Variants in DTD1 observed in about 807,000 individuals in gnomAD.
DTD1 encodes D-aminoacyl-tRNA deacylase 1, also known as D-tyrosyl-tRNA deacylase 1 homolog.
A neutral mutation model predicts 25.6 loss-of-function variants in DTD1; 13 were observed. The ratio of observed to expected loss-of-function variants is 0.51; its 90% CI spans 0.33 to 0.81. The LOEUF (loss-of-function observed/expected upper bound fraction) is 0.81. Among genes scored for constraint, DTD1 ranks in the 30% least tolerant of loss-of-function variants. DTD1 has a pLI of 0.02. For missense variants in DTD1, 193 were observed against 266.4 expected, an observed-to-expected ratio of 0.72 and a Z score of 1.92; for synonymous variants, 110 against 103.6, an observed-to-expected ratio of 1.06 and a Z score of -0.37.
chr20:18,626,182 A>C (rs1210777134), intron 3 of DTD1, among the ~76,000 whole-genome samples: 1 of 152,128 alleles, frequency 6.6e-6, no homozygotes, highest in Non-Finnish European at 1.5e-5. Flanking sequence ...GTACTAACCT[A>C]TGTGCACCTT....
intron 4 of DTD1, among the ~76,000 whole-genome samples, chr20:18,722,842 C>T (rs778573491): frequency 5.3e-5 from 8 of 152,126 alleles, no homozygotes; most frequent in Non-Finnish European, 1.2e-4. Flanking sequence ...AGATTTGGAG[C>T]ATGCCCCAAA....
intron 3 of DTD1, among the ~76,000 whole-genome samples, chr20:18,598,105 G>A (rs193248885): frequency 2.6e-5 from 4 of 152,124 alleles, no homozygotes; most frequent in East Asian, 1.9e-4. Context: ...CCATCCACCC[G>A]TCACCTACAT....
chr20:18,737,988 C>A (rs1187463002), intron 4 of DTD1, among the ~76,000 whole-genome samples: 1 of 152,230 alleles, frequency 6.6e-6, no homozygotes, highest in Admixed American at 6.5e-5. Context: ...CCAGGTTCCT[C>A]TGCTTTACCC....
chr20:18,618,121 T>C (rs1422027592), intron 3 of DTD1, among the ~76,000 whole-genome samples: 2 of 152,222 alleles, frequency 1.3e-5, no homozygotes, highest in African/African-American at 4.8e-5. Context: ...GGATAGACGG[T>C]GCCAGATGGC....
chr20:18,696,032 A>G (rs1029028581), intron 4 of DTD1, among the ~76,000 whole-genome samples: 1 of 152,008 alleles, frequency 6.6e-6, no homozygotes, highest in South Asian at 2.1e-4. Context: ...TGACAATTAT[A>G]ATAGTCTTGA....
At chr20:18,628,268 T>C in intron 4 of DTD1, 35 bp downstream of exon 4, 1 of 1,560,036 alleles carries the variant, frequency 6.4e-7, no homozygotes, top group Non-Finnish European at 8.8e-7. Context: ...CTCCGTCCCT[T>C]GGGTGCCTGT....
At chr20:18,747,477 C>A (rs568884580) in intron 5 of DTD1, among the ~76,000 whole-genome samples, 1 of 152,266 alleles carries the variant, frequency 6.6e-6, no homozygotes, top group African/African-American at 2.4e-5. Flanking sequence ...GAGAGAGCAT[C>A]CCAGCGCTGC....
intron 4 of DTD1, among the ~76,000 whole-genome samples, chr20:18,636,735 AG>A (rs975583054): frequency 4.6e-5 from 7 of 152,300 alleles, no homozygotes; most frequent in African/African-American, 1.7e-4. Context: ...GCTGGGAAAA[AG>A]GGGACCAGGA....
At chr20:18,762,450 TC>T (rs1292752732) in intron 5 of DTD1, among the ~76,000 whole-genome samples, 2 of 152,216 alleles carry the variant, frequency 1.3e-5, no homozygotes, top group Admixed American at 6.5e-5. Flanking sequence ...CAGCCAGGCA[TC>T]CTTTGAGTAG....
intron 4 of DTD1, among the ~76,000 whole-genome samples, chr20:18,720,582 G>A (rs1295382421): frequency 6.6e-6 from 1 of 152,142 alleles, no homozygotes; most frequent in Non-Finnish European, 1.5e-5. Context: ...TGGCCAAGCA[G>A]CTTGGCTCAA....
chr20:18,588,163 C>T (rs1314564840), intron 1 of DTD1, 48 bp downstream of exon 1: 9 of 1,231,036 alleles, frequency 7.3e-6, no homozygotes, highest in Middle Eastern at 3.1e-4. Context: ...CTGACCCCCG[C>T]GACCGGCTGT....
chr20:18,653,068 G>A (rs1022305359), intron 4 of DTD1, among the ~76,000 whole-genome samples: 1 of 152,170 alleles, frequency 6.6e-6, no homozygotes, highest in South Asian at 2.1e-4. Flanking sequence ...CTTTTAGCAG[G>A]TGGGTTGTGG....
At chr20:18,640,338 A>G (rs552519815) in intron 4 of DTD1, among the ~76,000 whole-genome samples, 4 of 152,238 alleles carry the variant, frequency 2.6e-5, no homozygotes, top group African/African-American at 7.2e-5. Context: ...AATACATAAA[A>G]TCAGTATTCT....
intron 4 of DTD1, among the ~76,000 whole-genome samples, chr20:18,644,373 A>T (rs1237871658): frequency 6.6e-6 from 1 of 152,200 alleles, no homozygotes; most frequent in Admixed American, 6.5e-5. Flanking sequence ...GTTCTAAGTT[A>T]GCATCTCACT....
chr20:18,594,783 G>A lies in DTD1; in HGVS notation c.134+962G>A, dbSNP rs148675647. Among the ~76,000 whole-genome samples the A allele has an allele frequency of 2.4e-3, 368 of 152,276 alleles. 7 individuals are homozygous for A. The highest frequency in any genetic ancestry group is 0.02 in the Admixed American group (301 of 15,292). On this transcript the variant is annotated intron_variant, in intron 2 of 5. Coordinates refer to ENST00000377452, the MANE Select transcript of DTD1 (RefSeq NM_080820.6). ...GGATACTCAAAGAAGTGGTAGAGTG[G>A]TGTAATGGCTAAAAACTGAGGCTGT... is the stretch of plus-strand genomic sequence containing the variant.
At chr20:18,691,636 G>A (rs1165199869) in intron 4 of DTD1, among the ~76,000 whole-genome samples, 1 of 152,134 alleles carries the variant, frequency 6.6e-6, no homozygotes, top group African/African-American at 2.4e-5. Flanking sequence ...AAGGGGATGT[G>A]GGCTGAAAAA....
intron 4 of DTD1, among the ~76,000 whole-genome samples, chr20:18,644,191 A>G (rs2060841570): frequency 6.6e-6 from 1 of 151,882 alleles, no homozygotes; most frequent in African/African-American, 2.4e-5. Context: ...GCTCCTTTAT[A>G]ATGTTTGTTA....
intron 5 of DTD1, among the ~76,000 whole-genome samples, chr20:18,759,651 T>C (rs1173784912): frequency 1.3e-5 from 2 of 152,232 alleles, no homozygotes; most frequent in African/African-American, 4.8e-5. Flanking sequence ...AACCTTTCTC[T>C]CTGGCTGCCC....
intron 3 of DTD1, among the ~76,000 whole-genome samples, chr20:18,606,640 A>C (rs1375779700): frequency 8.1e-6 from 1 of 123,202 alleles, no homozygotes; most frequent in African/African-American, 3.0e-5. Context: ...GACATGGATG[A>C]AATTGGAAAT....
Sources: gnomAD v4.1 joint callset for allele counts (sites outside exome capture counted in the v4.1 genomes callset) on GRCh38, gnomAD v4.1.1 for gene constraint, MANE v1.5 for transcripts, NCBI Gene and HGNC (gene_info 2026-07-23, HGNC 2026-07-21) for gene names.